Variants in LRCH3 observed in about 807,000 individuals in gnomAD.
LRCH3 encodes leucine rich repeats and calponin homology domain containing 3.
A neutral mutation model predicts 104.5 loss-of-function variants in LRCH3; 68 were observed. The observed-to-expected ratio is 0.65, with a 90% CI of 0.54 to 0.80. The LOEUF (loss-of-function observed/expected upper bound fraction) is 0.80, where lower values mean the gene tolerates loss of function less well. Ranked by LOEUF, LRCH3 falls within the 30% of genes least tolerant of loss-of-function variation. LRCH3 has a pLI of 0.00. For missense variants in LRCH3, 951 were observed against 953.9 expected (o/e 1.00, Z 0.04); for synonymous variants, 344 against 361.3 (o/e 0.95, Z 0.54).
In LRCH3 at chr3:197,887,605, C is replaced by T. The variant is rs570330427; in HGVS notation, c.*3939C>T. ...TGTTGGGGGCTGAGAGCCCCCCTAG[C>T]AGAGCCCTTCCCATCACTGACAGTG... is the stretch of plus-strand genomic sequence containing the variant. On this transcript the variant is annotated 3_prime_UTR_variant, in exon 21 of 21. Coordinates refer to ENST00000425562, the MANE Select transcript of LRCH3 (RefSeq NM_001365715.1). The T allele has an allele frequency of 5.0e-4, 75 of 150,422 alleles. No individual in the cohort carries two copies. Among genetic ancestry groups the T allele is most frequent in the Middle Eastern group, 3.6e-3 (1 of 278 alleles). 9.3% of individuals were successfully genotyped at this position (150,422 alleles called of 1,614,324 possible).
chr3:197,851,938 T>C (rs1739659088), intron 12 of LRCH3, among the ~76,000 whole-genome samples: 2 of 152,338 alleles, frequency 1.3e-5, no homozygotes, highest in South Asian at 4.1e-4. Context: ...GTTATGCTGC[T>C]GACGAACTTG....
At chr3:197,802,641 G>T (rs1349859480) in intron 1 of LRCH3, among the ~76,000 whole-genome samples, 1 of 152,010 alleles carries the variant, frequency 6.6e-6, no homozygotes, top group Non-Finnish European at 1.5e-5. Flanking sequence ...CTTTTCTTTG[G>T]TGAGAGACTT....
At chr3:197,862,860 C>T (rs909709654) in intron 15 of LRCH3, among the ~76,000 whole-genome samples, 3 of 152,232 alleles carry the variant, frequency 2.0e-5, no homozygotes, top group African/African-American at 7.2e-5. Context: ...AACACACTGC[C>T]TTACGAGCTC....
rs192579693 is a variant in LRCH3 at position 197,866,526 on chromosome 3, T to G, written c.1873+307T>G. On this transcript the variant is annotated intron_variant, in intron 17 of 20. Transcript: ENST00000425562. Reference sequence around the variant, plus strand: ...TGAACTCTTTTTCACATTTTTCTATTGATAAAAGCTGTTTTCTTAAAACAA... The same window carrying G: ...TGAACTCTTTTTCACATTTTTCTATGGATAAAAGCTGTTTTCTTAAAACAA... Among the ~76,000 whole-genome samples, 7 of 152,388 alleles carry G rather than the reference T, an allele frequency of 4.6e-5. No homozygotes were observed. The East Asian group carries it at 1.3e-3, about 29-fold the overall frequency.
Position 197,883,853 on chromosome 3 carries a change from ATT to A in LRCH3, c.*193_*194del. ...GGGAGGTTATTTCCATTTCCATTGAATTTTTTTACGAAGACACCATTGGTTTT... is the reference window on the plus strand; with the variant it reads ...GGGAGGTTATTTCCATTTCCATTGAATTTTTACGAAGACACCATTGGTTTT... On this transcript the variant is annotated 3_prime_UTR_variant, in exon 21 of 21. Coordinates refer to ENST00000425562, the MANE Select transcript of LRCH3 (RefSeq NM_001365715.1). This position sits in a 1 kb window ranked among gnomAD's most constrained non-coding sequence, Gnocchi z 4.2. The A allele has an allele frequency of 1.7e-6, 1 of 576,868 alleles. No homozygotes were observed. Among genetic ancestry groups the A allele is most frequent in the Non-Finnish European group, 2.7e-6 (1 of 370,110 alleles). 35.7% of individuals were successfully genotyped at this position (576,868 alleles called of 1,614,324 possible). A position where few individuals can be genotyped will look rare whatever the true frequency, so the allele number is the denominator to read the frequency against.
At chr3:197,857,102 CATT>C (rs1420381347) in intron 14 of LRCH3, among the ~76,000 whole-genome samples, 1 of 149,760 alleles carries the variant, frequency 6.7e-6, no homozygotes, top group Non-Finnish European at 1.5e-5. Context: ...GTTACACTGA[CATT>C]ATCTTTGGGC....
In LRCH3 at chr3:197,826,885, G is replaced by T. The variant is rs377726765; in HGVS notation, c.648G>T (p.Ala216=). The change falls in exon 5 of 21, where the codon GCG becomes GCT. Residue 216 remains alanine (A), a synonymous_variant. Coordinates refer to ENST00000425562, the MANE Select transcript of LRCH3 (RefSeq NM_001365715.1). ...NHLVHLPEEL[A]ELPLIRLDFS... is the part of the protein sequence containing the mutation. ...CATTTTACCTTCTTGCAGAGCTGGC[G>T]GAGTTGCCTTTGATACGGTTAGACT... The T allele has an allele frequency of 4.1e-5, 66 of 1,613,928 alleles. No homozygotes were observed. Among genetic ancestry groups the T allele is most frequent in the Non-Finnish European group, 5.5e-5 (65 of 1,180,006 alleles).
At chr3:197,803,980 G>A (rs1458277410) in intron 1 of LRCH3, among the ~76,000 whole-genome samples, 3 of 151,774 alleles carry the variant, frequency 2.0e-5, no homozygotes, top group Non-Finnish European at 4.4e-5. Flanking sequence ...AAAAGGGACC[G>A]GGTGTGGTGG....
intron 10 of LRCH3, among the ~76,000 whole-genome samples, chr3:197,843,817 G>A (rs1013049643): frequency 9.9e-5 from 15 of 151,980 alleles, no homozygotes; most frequent in Admixed American, 2.0e-4. Flanking sequence ...ACACTTTTTC[G>A]GGAGAGGGTG....
chr3:197,823,728 C>T (rs1734769472), intron 4 of LRCH3, among the ~76,000 whole-genome samples: 2 of 152,074 alleles, frequency 1.3e-5, no homozygotes, highest in East Asian at 3.9e-4. Context: ...AAGCAATCCA[C>T]CCACCTCAGC....
chr3:197,862,352 G>C (rs1253012142), intron 15 of LRCH3, among the ~76,000 whole-genome samples: 1 of 152,104 alleles, frequency 6.6e-6, no homozygotes, highest in Admixed American at 6.6e-5. Flanking sequence ...TGTTGTTTCA[G>C]CTCTTCTCAT....
At chr3:197,793,176 A>G (rs538188883) in intron 1 of LRCH3, among the ~76,000 whole-genome samples, 57 of 152,246 alleles carry the variant, frequency 3.7e-4, no homozygotes, top group Non-Finnish European at 7.2e-4. Flanking sequence ...AGTATTACAT[A>G]TGATTCACTC....
chr3:197,796,713 G>A (rs1277217816), intron 1 of LRCH3, among the ~76,000 whole-genome samples: 1 of 152,130 alleles, frequency 6.6e-6, no homozygotes, highest in Non-Finnish European at 1.5e-5. Flanking sequence ...AGGCTCAGGA[G>A]ATTAAATAAT....
intron 20 of LRCH3, chr3:197,882,881 T>C (rs1713907056): frequency 3.0e-6 from 3 of 985,112 alleles, no homozygotes; most frequent in Middle Eastern, 5.2e-4. Flanking sequence ...TTAAATCCTT[T>C]ACATTTTCAA....
intron 18 of LRCH3, among the ~76,000 whole-genome samples, chr3:197,870,574 C>T (rs762480963): frequency 4.6e-5 from 7 of 152,148 alleles, no homozygotes; most frequent in Non-Finnish European, 7.3e-5. Context: ...CCATGTTGGC[C>T]GGGCTGGTCT....
chr3:197,882,526 A>C, intron 20 of LRCH3: 1 of 939,458 alleles, frequency 1.1e-6, no homozygotes, highest in Non-Finnish European at 1.3e-6. Context: ...GCAAAACAAA[A>C]AACAAAAAAC....
chr3:197,852,076 G>A (rs749762409), intron 12 of LRCH3, among the ~76,000 whole-genome samples: 1 of 152,210 alleles, frequency 6.6e-6, no homozygotes, highest in African/African-American at 2.4e-5. Context: ...ACATACAGTA[G>A]AGCACGTTGT....
chr3:197,839,964 C>T (rs1283679251), intron 10 of LRCH3, among the ~76,000 whole-genome samples: 1 of 147,960 alleles, frequency 6.8e-6, no homozygotes, highest in Non-Finnish European at 1.5e-5. Flanking sequence ...AGAGTGAGAC[C>T]CTGTCTCAAA....
intron 1 of LRCH3, among the ~76,000 whole-genome samples, chr3:197,805,990 G>A (rs1270446441): frequency 1.3e-5 from 2 of 151,558 alleles, no homozygotes; most frequent in Non-Finnish European, 2.9e-5. Context: ...GTAATGGTGC[G>A]ATCTTGGCTC....
Sources: gnomAD v4.1 joint callset for allele counts (sites outside exome capture counted in the v4.1 genomes callset) on GRCh38, gnomAD v4.1.1 for gene constraint, Gnocchi (gnomAD v3.1) non-coding constraint, MANE v1.5 for transcripts, NCBI Gene and HGNC (gene_info 2026-07-23, HGNC 2026-07-21) for gene names.